PLXNA4: variants seen among roughly 807,000 people sequenced by gnomAD.
PLXNA4 encodes the protein plexin-A4.
Under a neutral mutation model 191.8 loss-of-function variants are expected in PLXNA4, and 44 were observed. The observed-to-expected ratio is 0.23, with a 90% CI of 0.18 to 0.29. The LOEUF is 0.29. PLXNA4 is among the 10% of genes least tolerant of loss of function. The pLI, the probability that PLXNA4 is intolerant of heterozygous loss-of-function variation, is 1.00. For missense variants in PLXNA4, 1,800 were observed against 2,488.8 expected (o/e 0.72, Z 5.89); for synonymous variants, 1,082 against 1,009.5 (o/e 1.07, Z -1.36).
At chr7:132,137,802 G>A (rs144317491) in intron 30 of PLXNA4, among the ~76,000 whole-genome samples, 30 of 151,862 alleles carry the variant, frequency 2.0e-4, no homozygotes, top group Non-Finnish European at 4.0e-4. Flanking sequence ...AGTGAGGGCA[G>A]GTGGGAGGAT....
Position 132,333,889 on chromosome 7 carries a change from C to T in PLXNA4, c.1372-35667G>A, listed in dbSNP as rs1201266149. ...CAACCACCAGCCCTGCTGATTTTTT[C>T]TCTCTCTTCTTTCTACACAGGAAAA... On this transcript the variant is annotated intron_variant, in intron 3 of 31. Coordinates refer to ENST00000321063, the MANE Select transcript of PLXNA4 (RefSeq NM_020911.2). Among the ~76,000 whole-genome samples, 5 of 152,290 alleles carry T rather than the reference C, an allele frequency of 3.3e-5. No homozygotes were observed. In the East Asian group the frequency reaches 5.8e-4, roughly 18 times the overall value.
chr7:132,485,160 C>G, intron 3 of PLXNA4: 3 of 1,216,408 alleles, frequency 2.5e-6, no homozygotes, highest in Non-Finnish European at 3.4e-6. Context: ...GCACCCAGTA[C>G]CTATTCAGAG....
intron 17 of PLXNA4, 35 bp downstream of exon 17, chr7:132,182,062 G>A: frequency 6.2e-7 from 1 of 1,613,908 alleles, no homozygotes; most frequent in Non-Finnish European, 8.5e-7. Flanking sequence ...TGTTGCATGG[G>A]CAGCCTCCAT....
chr7:132,479,381 C>T (rs1797252510), intron 3 of PLXNA4, among the ~76,000 whole-genome samples: 1 of 152,142 alleles, frequency 6.6e-6, no homozygotes, highest in Admixed American at 6.5e-5. Flanking sequence ...GGGTAAAACC[C>T]CAAACCAACA....
intron 3 of PLXNA4, among the ~76,000 whole-genome samples, chr7:132,379,202 G>T (rs535091719): frequency 6.6e-6 from 1 of 152,252 alleles, no homozygotes; most frequent in African/African-American, 2.4e-5. Context: ...AATTCCCCAT[G>T]ATTGGAGATA....
chr7:132,299,611 T>G (rs1177540666), intron 3 of PLXNA4, among the ~76,000 whole-genome samples: 1 of 152,244 alleles, frequency 6.6e-6, no homozygotes, highest in African/African-American at 2.4e-5. Context: ...GTTTTGCACA[T>G]AATTCCTTAT....
chr7:132,230,228 C>T (rs958475236), intron 5 of PLXNA4, among the ~76,000 whole-genome samples: 13 of 152,172 alleles, frequency 8.5e-5, no homozygotes, highest in Admixed American at 4.6e-4. Context: ...GGGACAAAGA[C>T]GCACCCTGCG....
chr7:132,459,905 G>A (rs1796440425), intron 3 of PLXNA4, among the ~76,000 whole-genome samples: 1 of 152,144 alleles, frequency 6.6e-6, no homozygotes, highest in Admixed American at 6.5e-5. Context: ...TAAATTCATT[G>A]TGTACAAGAG....
At chr7:132,364,256 T>G (rs901688957) in intron 3 of PLXNA4, among the ~76,000 whole-genome samples, 2 of 152,198 alleles carry the variant, frequency 1.3e-5, no homozygotes, top group African/African-American at 4.8e-5. Flanking sequence ...TGTCTAGACT[T>G]TGTCATATGG....
chr7:132,486,977 C>T (rs1486711008), intron 3 of PLXNA4, among the ~76,000 whole-genome samples: 1 of 152,180 alleles, frequency 6.6e-6, no homozygotes, highest in Non-Finnish European at 1.5e-5. Context: ...CAGGCTTCCA[C>T]AGGCAAGAGA....
intron 21 of PLXNA4, among the ~76,000 whole-genome samples, chr7:132,169,300 T>G (rs972478697): frequency 6.6e-6 from 1 of 152,224 alleles, no homozygotes; most frequent in Non-Finnish European, 1.5e-5. Context: ...TGTCTGTTCA[T>G]TGGGAGATCT....
At chr7:132,359,227 T>A (rs1803834046) in intron 3 of PLXNA4, among the ~76,000 whole-genome samples, 1 of 149,988 alleles carries the variant, frequency 6.7e-6, no homozygotes, top group Admixed American at 6.6e-5. Flanking sequence ...TTTTTTTTTT[T>A]TTTTTTATTC....
chr7:132,562,312 TCC>T, intron 1 of PLXNA4, among the ~76,000 whole-genome samples: 1 of 120,740 alleles, frequency 8.3e-6, no homozygotes, highest in South Asian at 3.5e-4. Flanking sequence ...CTCCTCTTCC[TCC>T]TCTTCCTCCT....
chr7:132,481,161 G>A (rs544765990), intron 3 of PLXNA4, among the ~76,000 whole-genome samples: 2 of 152,114 alleles, frequency 1.3e-5, no homozygotes, highest in Admixed American at 1.3e-4. Context: ...TGTCCCTAAA[G>A]TGCTCCCCTC....
chr7:132,561,976 CCTT>C lies in PLXNA4; in HGVS notation c.-87+14443_-87+14445del, dbSNP rs1239924196. The stretch of plus-strand genomic sequence containing the variant: ...TTCTCCTCCTCCTCCTTATCCTCCT[CCTT>C]ATCCTCCTCTTCTTTCTCTGCCTCC... On this transcript the variant is annotated intron_variant, in intron 1 of 31. Transcript: ENST00000321063. Among the ~76,000 whole-genome samples, 7 of 142,372 alleles carry C rather than the reference CCTT, an allele frequency of 4.9e-5. 1 individual carries two copies. The South Asian group carries it at 1.5e-3, about 30-fold the overall frequency. 93.4% of individuals were successfully genotyped at this position (142,372 alleles called of 152,430 possible).
chr7:132,364,648 C>T (rs1804082050), intron 3 of PLXNA4, among the ~76,000 whole-genome samples: 1 of 152,204 alleles, frequency 6.6e-6, no homozygotes, highest in Non-Finnish European at 1.5e-5. Context: ...CCATCCAAAA[C>T]TATCAGGAAT....
intron 3 of PLXNA4, among the ~76,000 whole-genome samples, chr7:132,311,193 T>TGTGTGCGTGCGTGTGGCGC (rs71178034): frequency 1.1e-5 from 1 of 89,828 alleles, no homozygotes; most frequent in African/African-American, 3.9e-5. Context: ...TGTGTGTGTG[T>TGTGTGCGTGCGTGTGGCGC]GCGCGTGTGG....
intron 2 of PLXNA4, among the ~76,000 whole-genome samples, chr7:132,637,122 T>C (rs1365402157): frequency 1.3e-5 from 2 of 152,162 alleles, no homozygotes; most frequent in African/African-American, 4.8e-5. Context: ...TTTTGATCAT[T>C]CTCTTGGCTC....
intron 4 of PLXNA4, among the ~76,000 whole-genome samples, chr7:132,286,415 C>A (rs1377771996): frequency 5.3e-5 from 8 of 152,200 alleles, no homozygotes; most frequent in Non-Finnish European, 2.9e-5. Flanking sequence ...CCGAAAGTAA[C>A]AGGACACCGG....
Sources: gnomAD v4.1 joint callset for allele counts (sites outside exome capture counted in the v4.1 genomes callset) on GRCh38, gnomAD v4.1.1 for gene constraint, MANE v1.5 for transcripts, NCBI Gene and HGNC (gene_info 2026-07-23, HGNC 2026-07-21) for gene names.